Variants in PTPRD observed in about 807,000 individuals in gnomAD.
The protein encoded by PTPRD is receptor-type tyrosine-protein phosphatase delta.
PTPRD carries 34 observed loss-of-function variants against 214.5 expected under a neutral mutation model. The ratio of observed to expected loss-of-function variants is 0.16; its 90% CI spans 0.12 to 0.21. The LOEUF (loss-of-function observed/expected upper bound fraction) is 0.21. Among genes scored for constraint, PTPRD ranks in the 10% least tolerant of loss-of-function variants. The pLI, the probability that PTPRD is intolerant of heterozygous loss-of-function variation, is 1.00. For missense variants in PTPRD, 2,545 were observed against 2,398.7 expected, an observed-to-expected ratio of 1.06 and a Z score of -1.27; for synonymous variants, 1,128 against 845.7, an observed-to-expected ratio of 1.33 and a Z score of -5.79.
chr9:9,960,217 A>C (rs548818808), intron 4 of PTPRD, among the ~76,000 whole-genome samples: 2 of 130,842 alleles, frequency 1.5e-5, no homozygotes, highest in African/African-American at 7.5e-5. Context: ...GGAGTATGAA[A>C]ATTTGAAAAA....
At chr9:10,290,349 A>G (rs1171852883) in intron 3 of PTPRD, among the ~76,000 whole-genome samples, 2 of 152,054 alleles carry the variant, frequency 1.3e-5, no homozygotes, top group Non-Finnish European at 2.9e-5. Context: ...ACTCTTTTTC[A>G]TACTGCAACG....
Position 8,632,236 on chromosome 9 carries a change from T to A in PTPRD, c.352+1081A>T, listed in dbSNP as rs182093628. 2.1e-3 allele frequency among the ~76,000 whole-genome samples: 314 copies of A among 151,802 alleles called. 4 individuals carry two copies. Among genetic ancestry groups the A allele is most frequent in the African/African-American group, 7.3e-3 (301 of 41,424 alleles). On this transcript the variant is annotated intron_variant, in intron 14 of 45. Coordinates refer to ENST00000381196, the MANE Select transcript of PTPRD (RefSeq NM_002839.4). The stretch of plus-strand genomic sequence containing the variant: ...TGCTGGCCTCCAAATAAATAAGTTC[T>A]TGACAATATCAATAGGGCTTACCTC...
chr9:9,812,200 T>G (rs2153544765), intron 5 of PTPRD, among the ~76,000 whole-genome samples: 1 of 152,338 alleles, frequency 6.6e-6, no homozygotes, highest in Admixed American at 6.5e-5. Context: ...AACGTAACTT[T>G]TATATTTATG....
intron 10 of PTPRD, among the ~76,000 whole-genome samples, chr9:9,091,918 T>G (rs1055729998): frequency 6.6e-6 from 1 of 152,172 alleles, no homozygotes; most frequent in African/African-American, 2.4e-5. Context: ...TAACAAAAAA[T>G]TCTTATCTCA....
At chr9:8,605,266 G>A (rs1449594167) in intron 14 of PTPRD, among the ~76,000 whole-genome samples, 1 of 152,196 alleles carries the variant, frequency 6.6e-6, no homozygotes, top group African/African-American at 2.4e-5. Flanking sequence ...TAATATTTAT[G>A]TAAGCTGCAA....
chr9:8,386,044 A>C (rs1228790592), intron 37 of PTPRD, among the ~76,000 whole-genome samples: 4 of 152,182 alleles, frequency 2.6e-5, no homozygotes, highest in Non-Finnish European at 5.9e-5. Context: ...TAAAGCCCCC[A>C]ACTTCTTTAC....
chr9:9,043,914 TAAAA>T (rs2099657012), intron 10 of PTPRD, among the ~76,000 whole-genome samples: 1 of 58,462 alleles, frequency 1.7e-5, no homozygotes, highest in Admixed American at 1.6e-4. Flanking sequence ...AAAAATAAAA[TAAAA>T]TAAAATAAAA....
intron 11 of PTPRD, among the ~76,000 whole-genome samples, chr9:8,742,297 C>T (rs2092118188): frequency 6.6e-6 from 1 of 152,200 alleles, no homozygotes; most frequent in Middle Eastern, 3.5e-3. Context: ...ATATAGTATA[C>T]ATTGAGGAAT....
At chr9:9,591,155 G>T (rs941495360) in intron 7 of PTPRD, among the ~76,000 whole-genome samples, 3 of 130,824 alleles carry the variant, frequency 2.3e-5, no homozygotes, top group Non-Finnish European at 5.1e-5. Context: ...TCCTTAAAAC[G>T]AAGAGAATTC....
intron 10 of PTPRD, among the ~76,000 whole-genome samples, chr9:9,035,967 T>C (rs13302795): frequency 6.6e-6 from 1 of 152,146 alleles, no homozygotes; most frequent in African/African-American, 2.4e-5. Flanking sequence ...AATACTAATG[T>C]GCTTAATCAT....
intron 7 of PTPRD, among the ~76,000 whole-genome samples, chr9:9,718,899 G>A (rs543151597): frequency 6.6e-6 from 1 of 152,178 alleles, no homozygotes. Flanking sequence ...ACCATGGAGG[G>A]CACATTAATG....
intron 9 of PTPRD, among the ~76,000 whole-genome samples, chr9:9,304,032 T>G (rs1218303858): frequency 6.6e-6 from 1 of 152,146 alleles, no homozygotes; most frequent in East Asian, 1.9e-4. Flanking sequence ...TTCCAACTCT[T>G]TTAGCTATTG....
intron 11 of PTPRD, among the ~76,000 whole-genome samples, chr9:8,847,050 G>T (rs2097710642): frequency 6.6e-6 from 1 of 152,050 alleles, no homozygotes. Context: ...AAAAGACAGT[G>T]AATAATTTGG....
At chr9:10,120,190 T>C (rs2098763723) in intron 3 of PTPRD, among the ~76,000 whole-genome samples, 1 of 152,060 alleles carries the variant, frequency 6.6e-6, no homozygotes, top group Admixed American at 6.6e-5. Flanking sequence ...ATGTAAGGCT[T>C]TGTGCAAATG....
At chr9:8,849,395 T>G (rs1252429268) in intron 11 of PTPRD, among the ~76,000 whole-genome samples, 2 of 151,980 alleles carry the variant, frequency 1.3e-5, no homozygotes, top group Non-Finnish European at 2.9e-5. Flanking sequence ...CCCAGCTTAT[T>G]TTTTGTATTT....
chr9:9,259,008 G>A (rs1180645234), intron 9 of PTPRD, among the ~76,000 whole-genome samples: 1 of 151,710 alleles, frequency 6.6e-6, no homozygotes, highest in Non-Finnish European at 1.5e-5. Context: ...TAGGAAAAAG[G>A]ATCATATAGT....
chr9:8,327,800 G>T (rs574151185), intron 44 of PTPRD, among the ~76,000 whole-genome samples: 1 of 151,224 alleles, frequency 6.6e-6, no homozygotes, highest in Admixed American at 6.6e-5. Flanking sequence ...TTCTTTGTTG[G>T]TTTAAAGTCC....
At chr9:9,587,497 A>C (rs1013203506) in intron 7 of PTPRD, among the ~76,000 whole-genome samples, 1 of 152,056 alleles carries the variant, frequency 6.6e-6, no homozygotes, top group Non-Finnish European at 1.5e-5. Flanking sequence ...AGGTAATTTA[A>C]TTGAAGTGCC....
chr9:9,372,097 G>A (rs908588230), intron 9 of PTPRD, among the ~76,000 whole-genome samples: 2 of 152,134 alleles, frequency 1.3e-5, no homozygotes, highest in East Asian at 3.9e-4. Flanking sequence ...CTGTTGATTT[G>A]GGGTGGAGAG....
Sources: allele counts gnomAD v4.1 joint callset (sites outside exome capture counted in the v4.1 genomes callset), GRCh38; gene constraint gnomAD v4.1.1; transcripts MANE v1.5; gene names NCBI Gene and HGNC (gene_info 2026-07-23, HGNC 2026-07-21).